ATP2C2: variants seen among roughly 807,000 people sequenced by gnomAD.
ATP2C2 encodes ATPase secretory pathway Ca2+ transporting 2, also known as calcium-transporting ATPase type 2C member 2.
A neutral mutation model predicts 110.8 loss-of-function variants in ATP2C2; 171 were observed. The ratio of observed to expected loss-of-function variants is 1.54; its 90% CI spans 1.36 to 1.75. The LOEUF (loss-of-function observed/expected upper bound fraction) is 1.75, where lower values mean the gene tolerates loss of function less well. ATP2C2 is among the 40% of genes most tolerant of loss of function. ATP2C2 has a pLI of 0.00. For missense variants in ATP2C2, 1,963 were observed against 1,235.0 expected, an observed-to-expected ratio of 1.59 and a Z score of -8.84; for synonymous variants, 804 against 508.4, an observed-to-expected ratio of 1.58 and a Z score of -7.82.
chr16:84,411,184 C>T (rs952206849), intron 6 of ATP2C2, among the ~76,000 whole-genome samples: 2 of 152,168 alleles, frequency 1.3e-5, no homozygotes, highest in Admixed American at 1.3e-4. Context: ...GCCATCAGAA[C>T]ATTGGCTGCA....
intron 1 of ATP2C2, among the ~76,000 whole-genome samples, chr16:84,388,928 T>A (rs8048642): frequency 6.6e-6 from 1 of 152,114 alleles, no homozygotes; most frequent in Admixed American, 6.5e-5. Flanking sequence ...GGCGCCACCA[T>A]GCTCGGCTAA....
chr16:84,463,702 G>T lies in ATP2C2; in HGVS notation c.2811G>T (p.Lys937Asn), dbSNP rs751842202. Residue 937 changes from lysine to asparagine, a missense_variant, in exon 27 of 27, where the codon AAG becomes AAT. By Grantham distance (94) the Lys-to-Asn change is moderately conservative. Coordinates refer to ENST00000262429, the MANE Select transcript of ATP2C2 (RefSeq NM_014861.4). ...GTGAAAAATACTGTTGCAGCCCCAAGAGAGTCCAGATGCACCCTGAAGATG... is the reference window on the plus strand; with the variant it reads ...GTGAAAAATACTGTTGCAGCCCCAATAGAGTCCAGATGCACCCTGAAGATG... The part of the protein sequence containing the change: ...KLCEKYCCSP[K>N]RVQMHPEDV 1.9e-5 allele frequency: 31 copies of T among 1,613,988 alleles called. No individual in the cohort carries two copies. In the East Asian group the frequency reaches 4.9e-4, roughly 26 times the overall value.
At chr16:84,397,281 C>G (rs1414213209) in intron 1 of ATP2C2, among the ~76,000 whole-genome samples, 1 of 151,680 alleles carries the variant, frequency 6.6e-6, no homozygotes, top group African/African-American at 2.4e-5. Context: ...TGTTTCCCCT[C>G]CCCTTTTCTT....
chr16:84,444,178 AAAAAAAC>A (rs1327794413), intron 15 of ATP2C2, among the ~76,000 whole-genome samples: 47 of 116,288 alleles, frequency 4.0e-4, no homozygotes, highest in Middle Eastern at 5.2e-3. Flanking sequence ...AAAAAAAAAA[AAAAAAAC>A]AAAAAGATTG....
At chr16:84,460,999 C>T (rs545927508) in intron 24 of ATP2C2, 198 bp downstream of exon 24, 2 of 728,604 alleles carry the variant, frequency 2.7e-6, no homozygotes, top group South Asian at 2.5e-5. Flanking sequence ...GGGAGGTCGC[C>T]AGGTGTGTGC....
intron 6 of ATP2C2, among the ~76,000 whole-genome samples, chr16:84,411,658 TCTCGACCTCCTGAC>T (rs1371723889): frequency 6.6e-6 from 1 of 152,230 alleles, no homozygotes; most frequent in African/African-American, 2.4e-5. Context: ...GCTAGGCTCG[TCTCGACCTCCTGAC>T]CTCAGATGAT....
chr16:84,409,758 C>T lies in ATP2C2; in HGVS notation c.418-810C>T, dbSNP rs141267153. Among the ~76,000 whole-genome samples, 512 of 152,276 alleles carry T rather than the reference C, an allele frequency of 3.4e-3. 4 individuals are homozygous for T. Among genetic ancestry groups the T allele is most frequent in the African/African-American group, 0.012 (489 of 41,574 alleles). On this transcript the variant is annotated intron_variant, in intron 4 of 26. Coordinates refer to ENST00000262429, the MANE Select transcript of ATP2C2 (RefSeq NM_014861.4). The stretch of plus-strand genomic sequence containing the variant: ...CCTCAGGTGATCCGCCTCCCTTGGT[C>T]TCCCAAATAGCTGGGATTGTAGGCG...
intron 1 of ATP2C2, among the ~76,000 whole-genome samples, chr16:84,396,529 G>T (rs1400345595): frequency 7.3e-6 from 1 of 137,928 alleles, no homozygotes; most frequent in African/African-American, 2.7e-5. Flanking sequence ...CAGCCTGGGT[G>T]ACAGAGTGAG....
intron 11 of ATP2C2, 42 bp from the exon 12 acceptor site, chr16:84,439,124 C>A (rs776751824): frequency 2.5e-6 from 4 of 1,610,336 alleles, no homozygotes; most frequent in Non-Finnish European, 3.4e-6. Flanking sequence ...TCACACACTC[C>A]TTAAATGTGT....
chr16:84,433,140 G>A (rs1046504701), intron 11 of ATP2C2, among the ~76,000 whole-genome samples: 6 of 152,166 alleles, frequency 3.9e-5, no homozygotes, highest in Non-Finnish European at 5.9e-5. Flanking sequence ...AGCACTTTGG[G>A]AGGCTGAGGC....
chr16:84,412,785 C>T (rs957305138), intron 6 of ATP2C2, among the ~76,000 whole-genome samples: 1 of 152,090 alleles, frequency 6.6e-6, no homozygotes, highest in Non-Finnish European at 1.5e-5. Context: ...TACCTGGCTG[C>T]TCAAAGTGAT....
In ATP2C2 at chr16:84,394,699, A is replaced by G. The variant is rs1003410583; in HGVS notation, c.100-3800A>G. Among the ~76,000 whole-genome samples the G allele has an allele frequency of 3.3e-5, 5 of 152,068 alleles. 1 individual carries two copies. The highest frequency in any genetic ancestry group is 1.5e-5 in the Non-Finnish European group (1 of 68,020). On this transcript the variant is annotated intron_variant, in intron 1 of 26. Transcript: ENST00000262429. ...CTTCAAGCTTCCATCATGGCCAGCAATCCCCAGCATTCATTGACCGATGGA... is the reference window on the plus strand; with the variant it reads ...CTTCAAGCTTCCATCATGGCCAGCAGTCCCCAGCATTCATTGACCGATGGA...
chr16:84,434,708 G>T (rs1202304909), intron 11 of ATP2C2, among the ~76,000 whole-genome samples: 2 of 151,848 alleles, frequency 1.3e-5, no homozygotes, highest in Non-Finnish European at 2.9e-5. Flanking sequence ...GGTAGAGACG[G>T]GGTTTCAACA....
At chr16:84,378,730 C>G (rs1197883790) in intron 1 of ATP2C2, among the ~76,000 whole-genome samples, 2 of 152,210 alleles carry the variant, frequency 1.3e-5, no homozygotes, top group African/African-American at 4.8e-5. Context: ...TTGTCAGGCT[C>G]ACTGCAAAAC....
intron 7 of ATP2C2, among the ~76,000 whole-genome samples, chr16:84,421,289 C>A (rs57439380): frequency 1.3e-5 from 2 of 152,312 alleles, no homozygotes; most frequent in African/African-American, 4.8e-5. Context: ...CTCCCTGACG[C>A]TGTGGGGTCC....
intron 6 of ATP2C2, 102 bp downstream of exon 6, chr16:84,410,867 G>A: frequency 2.5e-6 from 3 of 1,203,426 alleles, no homozygotes; most frequent in Admixed American, 1.9e-5. Context: ...GGTAGTGTCG[G>A]ACAAGAGAAC....
chr16:84,410,216 A>G (rs2150525786), intron 4 of ATP2C2, among the ~76,000 whole-genome samples: 1 of 152,266 alleles, frequency 6.6e-6, no homozygotes, highest in African/African-American at 2.4e-5. Flanking sequence ...TCAGAAGAAA[A>G]AAGGCTGGGG....
chr16:84,453,778 A>G (rs1910539042), intron 20 of ATP2C2, among the ~76,000 whole-genome samples: 2 of 152,294 alleles, frequency 1.3e-5, no homozygotes, highest in Non-Finnish European at 2.9e-5. Context: ...ATACAGTGAA[A>G]ACTGGGAGCT....
At chr16:84,433,207 G>T (rs1908432577) in intron 11 of ATP2C2, among the ~76,000 whole-genome samples, 1 of 151,966 alleles carries the variant, frequency 6.6e-6, no homozygotes, top group Non-Finnish European at 1.5e-5. Context: ...TAGTGAGACT[G>T]TCTGTACAAA....
Sources: allele counts gnomAD v4.1 joint callset (sites outside exome capture counted in the v4.1 genomes callset), GRCh38; gene constraint gnomAD v4.1.1; transcripts MANE v1.5; gene names NCBI Gene and HGNC (gene_info 2026-07-23, HGNC 2026-07-21).